Variants in MMP17 observed in about 807,000 individuals in gnomAD.
MMP17 encodes the protein matrix metalloproteinase-17.
In MMP17, 54 loss-of-function variants were observed where a neutral mutation model predicts 49.1. The observed-to-expected ratio is 1.10, with a 90% CI of 0.88 to 1.38. The LOEUF (loss-of-function observed/expected upper bound fraction) is 1.38. Ranked by LOEUF, MMP17 falls within the 40% of genes most tolerant of loss-of-function variation. The pLI is 0.00. For missense variants in MMP17, 837 were observed against 853.7 expected (o/e 0.98, Z 0.24); for synonymous variants, 397 against 383.1 (o/e 1.04, Z -0.42).
chr12:131,850,164 C>G lies in MMP17; in HGVS notation c.1462+105C>G, dbSNP rs533130302. On this transcript the variant is annotated intron_variant, in intron 9 of 9. Coordinates refer to ENST00000360564, the MANE Select transcript of MMP17 (RefSeq NM_016155.7). ...AGGTTCCCTGAAAGGAGGACGGCCC[C>G]GGTCGGTGTGGGCTCTGAGGGTCCC... is the stretch of plus-strand genomic sequence containing the variant. 9.4e-3 allele frequency: 13,271 copies of G among 1,414,984 alleles called. 80 individuals are homozygous for G. Among genetic ancestry groups the G allele is most frequent in the Non-Finnish European group, 0.011 (11,726 of 1,071,702 alleles). 87.7% of individuals were successfully genotyped at this position (1,414,984 alleles called of 1,614,324 possible). A position where few individuals can be genotyped will look rare whatever the true frequency, so the allele number is the denominator to read the frequency against.
At chr12:131,840,980 C>G (rs1285491586) in intron 4 of MMP17, 124 bp downstream of exon 4, 1 of 1,217,590 alleles carries the variant, frequency 8.2e-7, no homozygotes, top group East Asian at 2.6e-5. Flanking sequence ...CTCCTGAGCA[C>G]GGCTGGGCAT....
At position 131,828,564 on chromosome 12, in the gene MMP17, C is replaced by CTGCCGCTGA. The variant is rs1555255838; in HGVS notation, c.70_71insTGCCGCTGA (p.Pro24delinsLeuProLeuThr). ...GCCCGGACTCTCGCGGCTGCCGCTG[C>CTGCCGCTGA]CGCTGCTGCTGCTGCTGGCGCTGGG... On this transcript the variant is annotated protein_altering_variant, in exon 1 of 10. Transcript: ENST00000360564. 1.4e-5 allele frequency: 14 copies of CTGCCGCTGA among 1,023,552 alleles called. No individual in the cohort carries two copies. The African/African-American group carries it at 2.4e-4, about 18-fold the overall frequency. 63.4% of individuals were successfully genotyped at this position (1,023,552 alleles called of 1,614,324 possible).
Position 131,841,668 on chromosome 12 carries a change from G to A in MMP17, c.751G>A (p.Gly251Ser). Reference protein sequence around the residue: ...DLFAVAVHEFGHAIGLSHVAA... With the variant: ...DLFAVAVHEFSHAIGLSHVAA... ...GTTTGCAGTGGCTGTCCACGAGTTT[G>A]GCCACGCCATTGGGTTAAGCCATGT... Residue 251 changes from glycine (G) to serine (S), a missense_variant, in exon 5 of 10, where the codon GGC becomes AGC. Transcript: ENST00000360564. 1.9e-6 allele frequency: 3 copies of A among 1,614,080 alleles called. No individual in the cohort carries two copies. The highest frequency in any genetic ancestry group is 1.7e-6 in the Non-Finnish European group (2 of 1,180,006).
intron 1 of MMP17, among the ~76,000 whole-genome samples, chr12:131,828,992 C>T (rs959282936): frequency 6.6e-6 from 1 of 152,238 alleles, no homozygotes; most frequent in East Asian, 1.9e-4. Flanking sequence ...CCGGGCTGGG[C>T]GAGAGCAGGC....
At chr12:131,829,613 C>T (rs1459956448) in intron 1 of MMP17, among the ~76,000 whole-genome samples, 1 of 152,236 alleles carries the variant, frequency 6.6e-6, no homozygotes, top group Admixed American at 6.5e-5. Context: ...TGGCCCTCGT[C>T]CGCGGACAGT....
chr12:131,845,998 T>C (rs1887686392), intron 8 of MMP17, among the ~76,000 whole-genome samples: 1 of 152,094 alleles, frequency 6.6e-6, no homozygotes, highest in South Asian at 2.1e-4. Flanking sequence ...TGCCCACCGT[T>C]CCAGGAACCA....
At position 131,838,326 on chromosome 12, in the gene MMP17, G is replaced by A. The variant is rs1323619916; in HGVS notation, c.291G>A (p.Leu97=). 1.2e-6 allele frequency: 2 copies of A among 1,612,674 alleles called. No homozygotes were observed. Among genetic ancestry groups the A allele is most frequent in the African/African-American group, 1.3e-5 (1 of 75,056 alleles). The change falls in exon 2 of 10, where the codon CTG becomes CTA. Residue 97 remains leucine (L), a splice_region_variant and synonymous_variant. Coordinates refer to ENST00000360564, the MANE Select transcript of MMP17 (RefSeq NM_016155.7). ...QFGGLEATGI[L]DEATLALMKT... The stretch of plus-strand genomic sequence containing the variant: ...GTGGCCTGGAGGCCACCGGCATCCT[G>A]GGTCAGTTCTCCAGGGGGCAGCGGG...
intron 4 of MMP17, 136 bp from the exon 5 acceptor site, chr12:131,841,488 T>C (rs61942395): frequency 4.4e-6 from 4 of 916,720 alleles, no homozygotes; most frequent in African/African-American, 1.6e-5. Context: ...CCAGTAACCC[T>C]GCAGAATCCC....
At chr12:131,837,901 G>A (rs1393939957) in intron 1 of MMP17, among the ~76,000 whole-genome samples, 1 of 152,106 alleles carries the variant, frequency 6.6e-6, no homozygotes, top group African/African-American at 2.4e-5. Flanking sequence ...TAGTAGAGAC[G>A]GGGTTTCACC....
rs889792161 is a variant in MMP17 at position 131,846,289 on chromosome 12, C to T, written c.1204+840C>T. On this transcript the variant is annotated intron_variant, in intron 8 of 9. Coordinates refer to ENST00000360564, the MANE Select transcript of MMP17 (RefSeq NM_016155.7). The surrounding 1 kb of genome is among the most constrained non-coding windows in gnomAD (Gnocchi z 4.6). The stretch of plus-strand genomic sequence containing the variant: ...TCCTGCCACCGCCTCTGTCTCCACC[C>T]GGCCGTCTCCTCCCCCATCTCCGCA... 6.6e-5 allele frequency among the ~76,000 whole-genome samples: 10 copies of T among 152,358 alleles called. No individual in the cohort carries two copies. The highest frequency in any genetic ancestry group is 1.9e-4 in the East Asian group (1 of 5,182).
intron 8 of MMP17, among the ~76,000 whole-genome samples, chr12:131,849,010 A>G (rs1426745224): frequency 6.6e-6 from 1 of 152,140 alleles, no homozygotes; most frequent in Non-Finnish European, 1.5e-5. Context: ...GCGGCTGCAC[A>G]ATTTCATACT....
intron 1 of MMP17, among the ~76,000 whole-genome samples, chr12:131,829,229 C>A (rs979259512): frequency 6.6e-6 from 1 of 152,178 alleles, no homozygotes; most frequent in Non-Finnish European, 1.5e-5. Flanking sequence ...TCCCCTCCAC[C>A]CCAGGTCGGC....
At chr12:131,829,757 G>A (rs533283877) in intron 1 of MMP17, among the ~76,000 whole-genome samples, 139 of 152,364 alleles carry the variant, frequency 9.1e-4, no homozygotes, top group African/African-American at 3.0e-3. Flanking sequence ...CACTTGGGTG[G>A]CACCCGCAGC....
In MMP17 at chr12:131,851,075, CGGCAGAGGGGCCCCGCGCCCCT is replaced by C. The variant is rs1250903406; in HGVS notation, c.1614_1635del (p.Ala539GlnfsTer56). 2.5e-5 allele frequency: 40 copies of C among 1,606,418 alleles called. No homozygotes were observed. The highest frequency in any genetic ancestry group is 3.4e-5 in the Non-Finnish European group (40 of 1,176,960). ...GGATCTGTGGCTGCGGGCGTGGACG[CGGCAGAGGGGCCCCGCGCCCCT>C]CCAGGACAACATGACCAGAGCCGCT... On this transcript the variant is annotated frameshift_variant, in exon 10 of 10. Transcript: ENST00000360564. LOFTEE classifies it low-confidence loss of function (END_TRUNC).
At chr12:131,840,883 G>A (rs781515874) in intron 4 of MMP17, 27 bp downstream of exon 4, 5 of 1,554,704 alleles carry the variant, frequency 3.2e-6, no homozygotes, top group East Asian at 4.5e-5. Flanking sequence ...CCTCAGGGCA[G>A]AGTCAGGAGC....
intron 1 of MMP17, among the ~76,000 whole-genome samples, chr12:131,833,996 T>G (rs574781610): frequency 6.6e-6 from 1 of 152,356 alleles, no homozygotes; most frequent in East Asian, 1.9e-4. Flanking sequence ...AGATACGCAT[T>G]GTGTCAGACA....
intron 4 of MMP17, 131 bp downstream of exon 4, chr12:131,840,987 G>T: frequency 2.5e-6 from 3 of 1,182,996 alleles, no homozygotes; most frequent in Non-Finnish European, 3.5e-6. Flanking sequence ...GCACGGCTGG[G>T]CATTTCCCAC....
Position 131,828,583 on chromosome 12 carries a change from C to T in MMP17, c.89C>T (p.Ala30Val). ...RLPLPLLLLL[A>V]LGTRGGCAAP... ...CCGCTGCCGCTGCTGCTGCTGCTGG[C>T]GCTGGGGACCCGCGGGGGCTGCGCC... Residue 30 changes from alanine (A) to valine (V), a missense_variant, in exon 1 of 10, where the codon GCG (alanine) becomes GTG (valine). Coordinates refer to ENST00000360564, the MANE Select transcript of MMP17 (RefSeq NM_016155.7). 1 of 889,378 alleles carries T rather than the reference C, an allele frequency of 1.1e-6. No individual in the cohort carries two copies. Among genetic ancestry groups the T allele is most frequent in the Non-Finnish European group, 1.4e-6 (1 of 727,012 alleles). The allele number at this position is 889,378 out of a possible 1,614,324, so 55.1% of individuals were successfully genotyped here.
chr12:131,845,077 C>T (rs201767306), intron 6 of MMP17, 41 bp from the exon 7 acceptor site: 5 of 1,506,100 alleles, frequency 3.3e-6, no homozygotes, highest in Middle Eastern at 3.5e-4. Flanking sequence ...CCCGCGCTGC[C>T]CAGGCCCCGC....
Sources: gnomAD v4.1 joint callset for allele counts (sites outside exome capture counted in the v4.1 genomes callset) on GRCh38, gnomAD v4.1.1 for gene constraint, Gnocchi (gnomAD v3.1) non-coding constraint, MANE v1.5 for transcripts, NCBI Gene and HGNC (gene_info 2026-07-23, HGNC 2026-07-21) for gene names.